Variants in MEF2C observed in about 807,000 individuals in gnomAD.
MEF2C encodes the protein myocyte-specific enhancer factor 2C.
MEF2C carries 6 observed loss-of-function variants against 50.5 expected under a neutral mutation model. The ratio of observed to expected loss-of-function variants is 0.12; its 90% confidence interval spans 0.07 to 0.23. The LOEUF (loss-of-function observed/expected upper bound fraction) is 0.23, where lower values mean the gene tolerates loss of function less well. MEF2C is among the 10% of genes least tolerant of loss of function. The pLI is 1.00. For synonymous variants in MEF2C, 183 were observed against 228.0 expected (o/e 0.80, Z 1.78); for missense variants, 276 against 605.0 (o/e 0.46, Z 5.70).
At chr5:88,730,321 C>T in intron 7 of MEF2C, 87 bp from the exon 8 acceptor site, 1 of 1,380,426 alleles carries the variant, frequency 7.2e-7, no homozygotes, top group East Asian at 2.5e-5. Flanking sequence ...GGAAAAGCAT[C>T]TTCCGATAGA....
Position 88,729,247 on chromosome 5 carries a change from G to GAT in MEF2C, c.934_935insAT (p.Pro312HisfsTer15). 6.2e-7 allele frequency: 1 copy of GAT among 1,613,254 alleles called. No individual in the cohort carries two copies. Among genetic ancestry groups the GAT allele is most frequent in the Non-Finnish European group, 8.5e-7 (1 of 1,179,416 alleles). On this transcript the variant is annotated frameshift_variant, in exon 9 of 11. Coordinates refer to ENST00000504921, the MANE Select transcript of MEF2C (RefSeq NM_002397.5). LOFTEE classifies it high-confidence loss of function. ...ACCATATGTTGTTGAAATGGCTGAT[G>GAT]GATATCCTCCCATTCCTTGTCCTGG... is the stretch of plus-strand genomic sequence containing the variant.
intron 6 of MEF2C, chr5:88,742,600 G>T: frequency 3.0e-6 from 3 of 985,074 alleles, no homozygotes; most frequent in Non-Finnish European, 3.6e-6. Context: ...TCTCTAGGAA[G>T]TTATAACCTA....
rs576531752 is a variant in MEF2C at position 88,877,215 on chromosome 5, A to T, written c.-143+5740T>A. ...GTTTTTATTGCTTGTAATGTCGTCA[A>T]TTTCCTTTTCAATGCCCTCAAAAGA... On this transcript the variant is annotated intron_variant, in intron 1 of 10. Coordinates refer to ENST00000504921, the MANE Select transcript of MEF2C (RefSeq NM_002397.5). Among the ~76,000 whole-genome samples the T allele has an allele frequency of 3.9e-5, 6 of 152,130 alleles. No individual in the cohort carries two copies. The South Asian group carries it at 1.2e-3, about 32-fold the overall frequency.
intron 3 of MEF2C, among the ~76,000 whole-genome samples, chr5:88,802,124 A>G (rs1212749198): frequency 6.6e-6 from 1 of 152,232 alleles, no homozygotes; most frequent in Non-Finnish European, 1.5e-5. Context: ...TTTTTGAGAG[A>G]TTCAGAGATT....
At chr5:88,852,565 T>C (rs940596769) in intron 1 of MEF2C, among the ~76,000 whole-genome samples, 7 of 152,224 alleles carry the variant, frequency 4.6e-5, no homozygotes, top group African/African-American at 1.7e-4. Flanking sequence ...ATGGTGCATG[T>C]GCTGCTCTTA....
At chr5:88,815,460 T>A (rs1296839202) in intron 2 of MEF2C, among the ~76,000 whole-genome samples, 5 of 152,136 alleles carry the variant, frequency 3.3e-5, no homozygotes, top group Non-Finnish European at 7.4e-5. Context: ...TTAGTTAAAC[T>A]GTTCCAATTT....
chr5:88,760,495 T>A (rs1777352849), intron 4 of MEF2C, among the ~76,000 whole-genome samples: 1 of 152,252 alleles, frequency 6.6e-6, no homozygotes, highest in Non-Finnish European at 1.5e-5. Flanking sequence ...TGTTGTTGAA[T>A]TTCATGTATA....
intron 6 of MEF2C, chr5:88,735,931 T>C: frequency 1.0e-6 from 1 of 985,366 alleles, no homozygotes; most frequent in Non-Finnish European, 1.2e-6. Context: ...CACTTGTTTC[T>C]TTTTCTTTTC....
chr5:88,749,607 A>G, intron 5 of MEF2C: 1 of 550,276 alleles, frequency 1.8e-6, no homozygotes, highest in South Asian at 7.9e-5. Flanking sequence ...CAATATAACA[A>G]ATTTTTCACC....
At chr5:88,733,820 G>A (rs1046781742) in intron 6 of MEF2C, 39 of 985,216 alleles carry the variant, frequency 4.0e-5, no homozygotes, top group Middle Eastern at 5.2e-4. Flanking sequence ...CCCCCAAAAC[G>A]TGTGTTAAGT....
At chr5:88,843,888 C>T (rs1818358251) in intron 1 of MEF2C, among the ~76,000 whole-genome samples, 1 of 151,354 alleles carries the variant, frequency 6.6e-6, no homozygotes, top group African/African-American at 2.4e-5. Context: ...CGGCTCACCG[C>T]AACCTCTGCC....
chr5:88,871,105 G>A (rs1429034884), intron 1 of MEF2C, among the ~76,000 whole-genome samples: 1 of 152,002 alleles, frequency 6.6e-6, no homozygotes, highest in Non-Finnish European at 1.5e-5. Context: ...CGGATGCTCT[G>A]ATTACAATGA....
At chr5:88,794,982 G>A (rs542341287) in intron 3 of MEF2C, among the ~76,000 whole-genome samples, 2 of 152,232 alleles carry the variant, frequency 1.3e-5, no homozygotes, top group South Asian at 2.1e-4. Context: ...TGAGGCCTCT[G>A]TTCTGTTCCA....
chr5:88,757,684 G>A (rs1331233358), intron 4 of MEF2C, among the ~76,000 whole-genome samples: 1 of 152,186 alleles, frequency 6.6e-6, no homozygotes, highest in Non-Finnish European at 1.5e-5. Flanking sequence ...GGGAGGCCGA[G>A]ACGGGCGGAT....
chr5:88,751,201 C>T lies in MEF2C; in HGVS notation c.589+656G>A. 3.1e-6 allele frequency: 3 copies of T among 982,176 alleles called. No individual in the cohort carries two copies. In the South Asian group the frequency reaches 1.4e-4, roughly 46 times the overall value. 60.8% of individuals were successfully genotyped at this position (982,176 alleles called of 1,614,324 possible). On this transcript the variant is annotated intron_variant, in intron 5 of 10. Transcript: ENST00000504921. ...GTTCTAAGTACTAAGAATGGATGAACTTTTTCTGAGAAATAATTTATTTTT... is the reference window on the plus strand; with the variant it reads ...GTTCTAAGTACTAAGAATGGATGAATTTTTTCTGAGAAATAATTTATTTTT...
chr5:88,756,190 G>A (rs1246584190), intron 4 of MEF2C, among the ~76,000 whole-genome samples: 1 of 152,090 alleles, frequency 6.6e-6, no homozygotes, highest in African/African-American at 2.4e-5. Flanking sequence ...AGATACATGT[G>A]CATGTTTGTT....
At chr5:88,776,820 G>A (rs1704347637) in intron 3 of MEF2C, among the ~76,000 whole-genome samples, 1 of 152,130 alleles carries the variant, frequency 6.6e-6, no homozygotes, top group Non-Finnish European at 1.5e-5. Flanking sequence ...AAAGCTTTAT[G>A]ACAGGCCATC....
At chr5:88,902,003 A>C (rs914948906) in intron 1 of MEF2C, among the ~76,000 whole-genome samples, 1 of 151,736 alleles carries the variant, frequency 6.6e-6, no homozygotes, top group Non-Finnish European at 1.5e-5. Context: ...TGACAATGTA[A>C]TAATTATAGC....
At chr5:88,826,689 T>C (rs1209907482) in intron 1 of MEF2C, among the ~76,000 whole-genome samples, 1 of 151,994 alleles carries the variant, frequency 6.6e-6, no homozygotes, top group Non-Finnish European at 1.5e-5. Flanking sequence ...AAGAGATTAT[T>C]TAACTTTAGT....
Sources: gnomAD v4.1 joint callset for allele counts (sites outside exome capture counted in the v4.1 genomes callset) on GRCh38, gnomAD v4.1.1 for gene constraint, MANE v1.5 for transcripts, NCBI Gene and HGNC (gene_info 2026-07-23, HGNC 2026-07-21) for gene names.